Variants in RBMS3 observed in about 807,000 individuals in gnomAD.
RBMS3 encodes RNA-binding motif, single-stranded-interacting protein 3.
RBMS3 carries 27 observed loss-of-function variants against 66.8 expected under a neutral mutation model. The observed-to-expected ratio is 0.40, with a 90% CI of 0.30 to 0.56. RBMS3 has a LOEUF of 0.56. Ranked by LOEUF, RBMS3 falls within the 20% of genes least tolerant of loss-of-function variation. The pLI is 0.40. For missense variants in RBMS3, 513 were observed against 549.5 expected (o/e 0.93, Z 0.66); for synonymous variants, 188 against 183.0 (o/e 1.03, Z -0.22).
At chr3:29,752,272 A>G (rs6807986) in intron 5 of RBMS3, among the ~76,000 whole-genome samples, 76,947 of 151,990 alleles carry the variant, frequency 0.51, 20,629 homozygotes, top group African/African-American at 0.69. Context: ...GCTTCTTTCT[A>G]ATATCCAGCT....
chr3:29,406,213 T>G (rs2040011047), intron 1 of RBMS3, among the ~76,000 whole-genome samples: 1 of 152,194 alleles, frequency 6.6e-6, no homozygotes. Flanking sequence ...GGCTCACAGT[T>G]GTGCTGTCTC....
At chr3:29,714,973 G>A (rs546798307) in intron 4 of RBMS3, among the ~76,000 whole-genome samples, 2 of 151,910 alleles carry the variant, frequency 1.3e-5, no homozygotes, top group East Asian at 1.9e-4. Flanking sequence ...GGGATCTTGT[G>A]TAGTTTCATC....
chr3:29,719,796 A>G (rs1312155007), intron 4 of RBMS3, among the ~76,000 whole-genome samples: 3 of 152,200 alleles, frequency 2.0e-5, no homozygotes, highest in Admixed American at 6.5e-5. Flanking sequence ...CCTGCAAAAC[A>G]GATTTCTTAA....
intron 7 of RBMS3, among the ~76,000 whole-genome samples, chr3:29,870,734 A>G (rs1238049732): frequency 1.3e-5 from 2 of 152,224 alleles, no homozygotes; most frequent in Middle Eastern, 3.4e-3. Context: ...TATATTCCTA[A>G]TCTTTGTTTT....
intron 4 of RBMS3, among the ~76,000 whole-genome samples, chr3:29,715,761 C>T (rs1426784075): frequency 6.6e-6 from 1 of 152,078 alleles, no homozygotes; most frequent in Non-Finnish European, 1.5e-5. Context: ...AGTGACAAAT[C>T]GTTTTGTTCA....
chr3:29,758,370 A>C (rs916366845), intron 5 of RBMS3, among the ~76,000 whole-genome samples: 1 of 152,232 alleles, frequency 6.6e-6, no homozygotes, highest in African/African-American at 2.4e-5. Flanking sequence ...AGCCAATCAC[A>C]GTCTTCTAGT....
chr3:29,313,894 A>C (rs1178681068), intron 1 of RBMS3, among the ~76,000 whole-genome samples: 1 of 151,718 alleles, frequency 6.6e-6, no homozygotes, highest in Non-Finnish European at 1.5e-5. Flanking sequence ...ACTTTCGGCA[A>C]AAGGAAAATT....
At chr3:29,429,615 T>C (rs77028579) in intron 1 of RBMS3, among the ~76,000 whole-genome samples, 1 of 152,204 alleles carries the variant, frequency 6.6e-6, no homozygotes, top group African/African-American at 2.4e-5. Flanking sequence ...TGCAAATTCA[T>C]AGCAACCCCT....
chr3:29,644,746 G>A (rs1158150798), intron 4 of RBMS3, among the ~76,000 whole-genome samples: 2 of 152,262 alleles, frequency 1.3e-5, no homozygotes, highest in South Asian at 2.1e-4. Context: ...TTGCACAGGC[G>A]AAAGTAGGAT....
At chr3:29,515,447 G>A (rs1399687445) in intron 3 of RBMS3, among the ~76,000 whole-genome samples, 1 of 152,180 alleles carries the variant, frequency 6.6e-6, no homozygotes, top group African/African-American at 2.4e-5. Context: ...GAGGTTTATA[G>A]GCAGAAGAAA....
At chr3:29,316,592 A>G (rs1477745153) in intron 1 of RBMS3, among the ~76,000 whole-genome samples, 1 of 151,660 alleles carries the variant, frequency 6.6e-6, no homozygotes, top group Non-Finnish European at 1.5e-5. Context: ...GCTTAGTGAT[A>G]CCTAAACAAA....
intron 4 of RBMS3, among the ~76,000 whole-genome samples, chr3:29,722,567 G>T (rs908870269): frequency 2.0e-5 from 3 of 151,924 alleles, no homozygotes; most frequent in African/African-American, 7.3e-5. Context: ...TTTAGGGGAG[G>T]GTTTGGGATC....
chr3:29,554,432 G>A (rs1189739324), intron 3 of RBMS3, among the ~76,000 whole-genome samples: 1 of 152,170 alleles, frequency 6.6e-6, no homozygotes, highest in Non-Finnish European at 1.5e-5. Context: ...CTATTAAAAG[G>A]AGGCAGACAT....
chr3:29,670,119 G>T (rs1235644942), intron 4 of RBMS3, among the ~76,000 whole-genome samples: 2 of 152,060 alleles, frequency 1.3e-5, no homozygotes, highest in East Asian at 3.9e-4. Flanking sequence ...CACAGTAAAT[G>T]ATGTTTAACA....
intron 12 of RBMS3, among the ~76,000 whole-genome samples, chr3:29,975,946 A>G (rs1021825207): frequency 6.6e-6 from 1 of 152,026 alleles, no homozygotes; most frequent in African/African-American, 2.4e-5. Flanking sequence ...TGAGTCTTCT[A>G]ATTGAGGAAT....
intron 1 of RBMS3, among the ~76,000 whole-genome samples, chr3:29,393,113 A>T (rs1051886701): frequency 3.3e-5 from 5 of 152,316 alleles, no homozygotes; most frequent in Middle Eastern, 3.4e-3. Flanking sequence ...GTGCTTAACT[A>T]TTAGCAGAAC....
At chr3:29,972,160 C>T (rs73829215) in intron 12 of RBMS3, among the ~76,000 whole-genome samples, 2 of 151,984 alleles carry the variant, frequency 1.3e-5, no homozygotes, top group African/African-American at 2.4e-5. Context: ...ACCAGAGGGT[C>T]GATTTCCTTC....
At chr3:29,529,348 C>T (rs142438059) in intron 3 of RBMS3, among the ~76,000 whole-genome samples, 5 of 151,940 alleles carry the variant, frequency 3.3e-5, no homozygotes, top group African/African-American at 4.8e-5. Flanking sequence ...AGTTTATGGC[C>T]ATGGGGGCAA....
At chr3:29,355,757 C>G (rs2037189798) in intron 1 of RBMS3, among the ~76,000 whole-genome samples, 1 of 151,632 alleles carries the variant, frequency 6.6e-6, no homozygotes, top group South Asian at 2.1e-4. Flanking sequence ...TTTTTTTCCC[C>G]CACAAAGAAA....
Sources: allele counts gnomAD v4.1 joint callset (sites outside exome capture counted in the v4.1 genomes callset), GRCh38; gene constraint gnomAD v4.1.1; transcripts MANE v1.5; gene names NCBI Gene and HGNC (gene_info 2026-07-23, HGNC 2026-07-21).